CLDN14: variants seen among roughly 807,000 people sequenced by gnomAD.
CLDN14 encodes the protein claudin 14.
Under a neutral mutation model 2.1 loss-of-function variants are expected in CLDN14, and 2 were observed. The observed-to-expected ratio is 0.96, with a 90% CI of 0.39 to 3.01. The LOEUF is 3.01. CLDN14 is among the 30% of genes most tolerant of loss of function. The pLI is 0.09. For synonymous variants in CLDN14, 136 were observed against 154.4 expected, an observed-to-expected ratio of 0.88 and a Z score of 0.88; for missense variants, 298 against 328.0, an observed-to-expected ratio of 0.91 and a Z score of 0.71.
At chr21:36,500,212 C>T (rs1205562239) in intron 2 of CLDN14, among the ~76,000 whole-genome samples, 2 of 152,002 alleles carry the variant, frequency 1.3e-5, no homozygotes, top group African/African-American at 4.8e-5. Context: ...GGAAGTGAAA[C>T]ATTGGGAGGG....
At chr21:36,545,983 C>A (rs1034098806) in intron 1 of CLDN14, among the ~76,000 whole-genome samples, 1 of 152,156 alleles carries the variant, frequency 6.6e-6, no homozygotes, top group South Asian at 2.1e-4. Context: ...AGTGTGGTGG[C>A]CTCAATGGGT....
At chr21:36,567,263 T>C (rs1165255238) in intron 1 of CLDN14, among the ~76,000 whole-genome samples, 3 of 152,236 alleles carry the variant, frequency 2.0e-5, no homozygotes, top group Non-Finnish European at 4.4e-5. Flanking sequence ...CCAGTTTCTT[T>C]TTCCTGTATT....
chr21:36,550,875 G>A (rs943182362), intron 1 of CLDN14, among the ~76,000 whole-genome samples: 3 of 152,230 alleles, frequency 2.0e-5, no homozygotes, highest in African/African-American at 7.2e-5. Context: ...TGCTCACCCA[G>A]AACCTCAGAA....
intron 1 of CLDN14, among the ~76,000 whole-genome samples, chr21:36,534,380 A>C (rs1315659761): frequency 3.9e-5 from 6 of 152,214 alleles, no homozygotes; most frequent in African/African-American, 1.4e-4. Context: ...GGATGATGGA[A>C]GCCCAGGACG....
At chr21:36,568,422 C>A (rs2087687536) in intron 1 of CLDN14, among the ~76,000 whole-genome samples, 2 of 152,234 alleles carry the variant, frequency 1.3e-5, no homozygotes, top group Non-Finnish European at 2.9e-5. Flanking sequence ...AAAAAAATGC[C>A]ACCAGTGCGG....
intron 2 of CLDN14, chr21:36,486,418 G>A: frequency 7.8e-7 from 1 of 1,284,700 alleles, no homozygotes; most frequent in East Asian, 2.3e-5. Flanking sequence ...TCCTGCCGCT[G>A]CTGCTGCTCC....
intron 1 of CLDN14, among the ~76,000 whole-genome samples, chr21:36,565,997 A>T (rs1200340923): frequency 6.6e-6 from 1 of 152,246 alleles, no homozygotes; most frequent in Non-Finnish European, 1.5e-5. Context: ...GTTTCCAGAC[A>T]TAAGTCTAGT....
chr21:36,555,988 C>T (rs1256911256), intron 1 of CLDN14, among the ~76,000 whole-genome samples: 1 of 152,092 alleles, frequency 6.6e-6, no homozygotes. Flanking sequence ...TCCCACATAT[C>T]AGTTTTATCC....
At position 36,492,177 on chromosome 21, in the gene CLDN14, G is replaced by A. The variant is rs1211222615; in HGVS notation, c.-82+18186C>T. Among the ~76,000 whole-genome samples the A allele has an allele frequency of 1.6e-5, 2 of 124,914 alleles. 1 individual carries two copies. Among genetic ancestry groups the A allele is most frequent in the East Asian group, 7.6e-4 (2 of 2,616 alleles). The allele number at this position is 124,914 out of a possible 152,430, so 81.9% of individuals were successfully genotyped here. On this transcript the variant is annotated intron_variant, in intron 2 of 2. Transcript: ENST00000342108. ...GGGCCGGGCGCGGTGGCTCACGCCT[G>A]TAATCCCAGCACTTTGGAAGGCCGA...
At chr21:36,496,446 A>G (rs931266911) in intron 2 of CLDN14, among the ~76,000 whole-genome samples, 97 of 150,886 alleles carry the variant, frequency 6.4e-4, no homozygotes, top group African/African-American at 2.1e-3. Flanking sequence ...CAAAAAAAAA[A>G]AAAAAAAAAA....
At chr21:36,489,131 A>AAAAAAAAAATATATATATATATAT in intron 2 of CLDN14, among the ~76,000 whole-genome samples, 1 of 62,750 alleles carries the variant, frequency 1.6e-5, no homozygotes, top group Non-Finnish European at 3.0e-5. Flanking sequence ...AAAAAAAAAA[A>AAAAAAAAAATATATATATATATAT]ATATATATAT....
intron 1 of CLDN14, among the ~76,000 whole-genome samples, chr21:36,515,839 T>G (rs1479623018): frequency 7.8e-6 from 1 of 127,986 alleles, no homozygotes; most frequent in Non-Finnish European, 1.6e-5. Flanking sequence ...CAGGCTGGAG[T>G]GCATTGGCAC....
intron 2 of CLDN14, among the ~76,000 whole-genome samples, chr21:36,489,131 A>AAAAAAAAAAAATATATAT: frequency 6.7e-4 from 42 of 62,718 alleles, no homozygotes; most frequent in Non-Finnish European, 1.1e-3. Context: ...AAAAAAAAAA[A>AAAAAAAAAAAATATATAT]ATATATATAT....
At chr21:36,486,394 G>T in intron 2 of CLDN14, 2 of 1,079,732 alleles carry the variant, frequency 1.9e-6, no homozygotes, top group Admixed American at 1.7e-5. Context: ...GCAGCTGCTC[G>T]TCTGGGCTCC....
intron 1 of CLDN14, among the ~76,000 whole-genome samples, chr21:36,519,022 C>G (rs1035108931): frequency 1.3e-4 from 20 of 152,232 alleles, no homozygotes; most frequent in African/African-American, 3.9e-4. Flanking sequence ...TGTCCAGAGA[C>G]AGACAAGCCG....
rs1568855430 is a variant in CLDN14, at chr21:36,489,130, A to AT, written c.-82+21232_-82+21233insA. Among the ~76,000 whole-genome samples the AT allele has an allele frequency of 7.1e-3, 694 of 97,380 alleles. 1 individual carries two copies. Among genetic ancestry groups the AT allele is most frequent in the African/African-American group, 0.012 (354 of 29,140 alleles). 63.9% of individuals were successfully genotyped at this position (97,380 alleles called of 152,430 possible). On this transcript the variant is annotated intron_variant, in intron 2 of 2. Coordinates refer to the CLDN14 transcript ENST00000342108. ...GTCTGTCTCAAAGAAAAAAAAAAAA[A>AT]AATATATATATATATATATATATAT... is the stretch of plus-strand genomic sequence containing the variant.
chr21:36,524,950 TG>T (rs1462633155), intron 1 of CLDN14, among the ~76,000 whole-genome samples: 1 of 152,188 alleles, frequency 6.6e-6, no homozygotes, highest in African/African-American at 2.4e-5. Flanking sequence ...CCTTGGCTGC[TG>T]GGCCACCTTG....
Position 36,551,613 on chromosome 21 carries a change from C to T in CLDN14, c.-220+24798G>A, listed in dbSNP as rs769436589. ...GTCTTGTGATCTGGATCTGAGATGC[C>T]GCCTTGGGTGGTGGGTAGAGGGATG... is the stretch of plus-strand genomic sequence containing the variant. On this transcript the variant is annotated intron_variant, in intron 1 of 2. Transcript: ENST00000342108. This position sits in a 1 kb window ranked among gnomAD's most constrained non-coding sequence, Gnocchi z 4.8. Among the ~76,000 whole-genome samples the T allele has an allele frequency of 3.9e-5, 6 of 152,060 alleles. No homozygotes were observed. Among genetic ancestry groups the T allele is most frequent in the East Asian group, 1.9e-4 (1 of 5,194 alleles).
chr21:36,547,630 C>T (rs1201831329), intron 1 of CLDN14, among the ~76,000 whole-genome samples: 3 of 152,256 alleles, frequency 2.0e-5, no homozygotes, highest in African/African-American at 7.2e-5. Context: ...GGTCCCTGTG[C>T]CAAGCCTCTG....
Sources: gnomAD v4.1 joint callset for allele counts (sites outside exome capture counted in the v4.1 genomes callset) on GRCh38, gnomAD v4.1.1 for gene constraint, Gnocchi (gnomAD v3.1) non-coding constraint, MANE v1.5 for transcripts, NCBI Gene and HGNC (gene_info 2026-07-23, HGNC 2026-07-21) for gene names.